The following ZKSCAN1 variants were observed in gnomAD, a reference collection of about 807,000 sequenced individuals.
ZKSCAN1 encodes the protein zinc finger with KRAB and SCAN domains 1.
ZKSCAN1 carries 14 observed loss-of-function variants against 51.6 expected under a neutral mutation model. That is an observed-to-expected ratio of 0.27 (90% CI 0.18 to 0.42). The LOEUF (loss-of-function observed/expected upper bound fraction) is 0.42, where lower values mean the gene tolerates loss of function less well. ZKSCAN1 is among the 10% of genes least tolerant of loss of function. The pLI is 1.00. For synonymous variants in ZKSCAN1, 263 were observed against 261.5 expected, an observed-to-expected ratio of 1.01 and a Z score of -0.06; for missense variants, 531 against 710.0, an observed-to-expected ratio of 0.75 and a Z score of 2.86.
At chr7:100,043,015 T>C (rs1218699973), downstream of ZKSCAN1, among the ~76,000 whole-genome samples, 1 of 152,050 alleles carries the variant, frequency 6.6e-6, no homozygotes, top group Admixed American at 6.6e-5. Context: ...TTAGCCAGGA[T>C]GGTCTCGATC....
Position 100,033,275 on chromosome 7 carries a change from G to A in ZKSCAN1, c.800-30G>A, listed in dbSNP as rs991106393. The A allele has an allele frequency of 1.9e-6, 3 of 1,565,440 alleles. No homozygotes were observed. Among genetic ancestry groups the A allele is most frequent in the Admixed American group, 2.1e-5 (1 of 48,602 alleles). On this transcript the variant is annotated intron_variant, in intron 5 of 5. Coordinates refer to ENST00000324306, the MANE Select transcript of ZKSCAN1 (RefSeq NM_003439.4). This position sits in a 1 kb window ranked among gnomAD's most constrained non-coding sequence, Gnocchi z 4.1. The stretch of plus-strand genomic sequence containing the variant: ...ACCTGTATATTCAAAAGAAAAAGGT[G>A]CGATTTGAATTTTCTATTTATTATG...
intron 1 of ZKSCAN1, 82 bp downstream of exon 1, chr7:100,015,808 C>T (rs966304473): frequency 6.6e-6 from 1 of 152,366 alleles, no homozygotes; most frequent in Non-Finnish European, 1.5e-5. Context: ...CAGCTGCGGC[C>T]CTGGGACCCC....
At position 100,037,624 on chromosome 7, in the gene ZKSCAN1, G is replaced by A; in HGVS notation, c.*3427G>A. On this transcript the variant is annotated 3_prime_UTR_variant, in exon 6 of 6. Transcript: ENST00000324306. ...TAAATAAACTTGATGAATATTATAT[G>A]TGAGGAAAACTTTCATGTATAGCAC... 1 of 985,424 alleles carries A rather than the reference G, an allele frequency of 1.0e-6. No individual in the cohort carries two copies. Among genetic ancestry groups the A allele is most frequent in the Non-Finnish European group, 1.2e-6 (1 of 829,936 alleles). The allele number at this position is 985,424 out of a possible 1,614,324, so 61.0% of individuals were successfully genotyped here. A position where few individuals can be genotyped will look rare whatever the true frequency, so the allele number is the denominator to read the frequency against.
At chr7:100,032,972 C>T (rs925704514) in intron 5 of ZKSCAN1, among the ~76,000 whole-genome samples, 2 of 149,986 alleles carry the variant, frequency 1.3e-5, no homozygotes, top group Non-Finnish European at 3.0e-5. Flanking sequence ...CACGCCATTG[C>T]ACTCCAGCCT....
chr7:100,019,645 A>G (rs1414948796), intron 1 of ZKSCAN1, among the ~76,000 whole-genome samples: 1 of 152,172 alleles, frequency 6.6e-6, no homozygotes, highest in Admixed American at 6.5e-5. Flanking sequence ...TTCTGCCTCT[A>G]CCATATACTT....
chr7:100,044,665 C>T (rs1014829096), downstream of ZKSCAN1: 2 of 532,380 alleles, frequency 3.8e-6, no homozygotes, highest in African/African-American at 2.6e-5. Flanking sequence ...TGGGTGATGG[C>T]GTGAGACTCT....
In ZKSCAN1 at chr7:100,040,176, C is replaced by G. The variant is rs1791533287; in HGVS notation, c.*5979C>G. On this transcript the variant is annotated 3_prime_UTR_variant, in exon 6 of 6. Coordinates refer to ENST00000324306, the MANE Select transcript of ZKSCAN1 (RefSeq NM_003439.4). Reference sequence around the variant, plus strand: ...AAGTTTGGGAAATACTTTTGACATCCCACAATACAGAATGTCTTAACATGA... The same window carrying G: ...AAGTTTGGGAAATACTTTTGACATCGCACAATACAGAATGTCTTAACATGA... 1.0e-6 allele frequency: 1 copy of G among 985,240 alleles called. No individual in the cohort carries two copies. Among genetic ancestry groups the G allele is most frequent in the Non-Finnish European group, 1.2e-6 (1 of 829,928 alleles). 61.0% of individuals were successfully genotyped at this position (985,240 alleles called of 1,614,324 possible). A position where few individuals can be genotyped will look rare whatever the true frequency, so the allele number is the denominator to read the frequency against.
chr7:100,032,030 G>C (rs1305256123), intron 5 of ZKSCAN1, among the ~76,000 whole-genome samples: 1 of 152,184 alleles, frequency 6.6e-6, no homozygotes, highest in African/African-American at 2.4e-5. Flanking sequence ...AGTGAGCTGT[G>C]CTCATGCCAC....
chr7:100,030,078 C>G, intron 4 of ZKSCAN1, 126 bp downstream of exon 4: 1 of 1,387,464 alleles, frequency 7.2e-7, no homozygotes, highest in South Asian at 1.3e-5. Flanking sequence ...CCTGTCCTCT[C>G]CTTTTAGCAT....
intron 1 of ZKSCAN1, among the ~76,000 whole-genome samples, chr7:100,018,979 A>G (rs963387801): frequency 6.6e-6 from 1 of 152,212 alleles, no homozygotes; most frequent in Non-Finnish European, 1.5e-5. Context: ...TGTCCTGCTC[A>G]ATAGCTAAGG....
chr7:100,042,338 A>AAAG (rs1554355805), downstream of ZKSCAN1, among the ~76,000 whole-genome samples: 282 of 139,124 alleles, frequency 2.0e-3, 11 homozygotes, highest in African/African-American at 5.4e-3. Context: ...AAAAAAAAAA[A>AAAG]GGTGAACTGG....
chr7:100,028,761 T>C (rs1790958868), intron 3 of ZKSCAN1, among the ~76,000 whole-genome samples: 1 of 148,694 alleles, frequency 6.7e-6, no homozygotes, highest in Non-Finnish European at 1.5e-5. Flanking sequence ...CCCCAACTTT[T>C]GTCTCAGCAT....
In ZKSCAN1 at chr7:100,036,809, T is replaced by G. The variant is rs1258639727; in HGVS notation, c.*2612T>G. On this transcript the variant is annotated 3_prime_UTR_variant, in exon 6 of 6. Transcript: ENST00000324306. ...TTATTTTTTAAGAGGGAAAGGACTTTGGTCATGTTTACATTGGCCTTTGGT... is the reference window on the plus strand; with the variant it reads ...TTATTTTTTAAGAGGGAAAGGACTTGGGTCATGTTTACATTGGCCTTTGGT... 4 of 980,098 alleles carry G rather than the reference T, an allele frequency of 4.1e-6. No homozygotes were observed. Among genetic ancestry groups the G allele is most frequent in the Middle Eastern group, 1.0e-3 (2 of 1,922 alleles). 60.7% of individuals were successfully genotyped at this position (980,098 alleles called of 1,614,324 possible). A position where few individuals can be genotyped will look rare whatever the true frequency, so the allele number is the denominator to read the frequency against.
In ZKSCAN1 at chr7:100,037,473, T is replaced by C. The variant is rs1791413087; in HGVS notation, c.*3276T>C. The C allele has an allele frequency of 6.1e-6, 6 of 985,358 alleles. No homozygotes were observed. The Admixed American group carries it at 3.7e-4, about 61-fold the overall frequency. The allele number at this position is 985,358 out of a possible 1,614,324, so 61.0% of individuals were successfully genotyped here. On this transcript the variant is annotated 3_prime_UTR_variant, in exon 6 of 6. Transcript: ENST00000324306. ...CTAAATATGTATAGAGAGGTTGACGTGTGATACGTGGGACAGTTCACATAG... is the reference window on the plus strand; with the variant it reads ...CTAAATATGTATAGAGAGGTTGACGCGTGATACGTGGGACAGTTCACATAG...
rs1791187061 is a variant in ZKSCAN1, at chr7:100,033,194, T to C, written c.800-111T>C. ...CTCAAAGGAAATAAAAATAAAAATA[T>C]TGCAAAGTCATTTTGCAGCCGTGTA... is the stretch of plus-strand genomic sequence containing the variant. On this transcript the variant is annotated intron_variant, in intron 5 of 5. Transcript: ENST00000324306. This position sits in a 1 kb window ranked among gnomAD's most constrained non-coding sequence, Gnocchi z 4.1. 1 of 1,441,222 alleles carries C rather than the reference T, an allele frequency of 6.9e-7. No individual in the cohort carries two copies. Among genetic ancestry groups the C allele is most frequent in the Non-Finnish European group, 9.1e-7 (1 of 1,098,624 alleles). 89.3% of individuals were successfully genotyped at this position (1,441,222 alleles called of 1,614,324 possible).
At chr7:100,019,318 T>A (rs1019506968) in intron 1 of ZKSCAN1, 1 of 152,244 alleles carries the variant, frequency 6.6e-6, no homozygotes, top group Non-Finnish European at 1.5e-5. Context: ...GTGATTCTCC[T>A]GCCTCAGCCT....
Position 100,033,141 on chromosome 7 carries a change from C to T in ZKSCAN1, c.800-164C>T, listed in dbSNP as rs967205835. Reference sequence around the variant, plus strand: ...GAACTGAGATCACGTCACTGCACTCCAGCCTGGGCGACAGAGCGAGACTCT... The same window carrying T: ...GAACTGAGATCACGTCACTGCACTCTAGCCTGGGCGACAGAGCGAGACTCT... On this transcript the variant is annotated intron_variant, in intron 5 of 5. Coordinates refer to ENST00000324306, the MANE Select transcript of ZKSCAN1 (RefSeq NM_003439.4). This position sits in a 1 kb window ranked among gnomAD's most constrained non-coding sequence, Gnocchi z 4.1. Among the ~76,000 whole-genome samples, 3 of 152,152 alleles carry T rather than the reference C, an allele frequency of 2.0e-5. No homozygotes were observed. Among genetic ancestry groups the T allele is most frequent in the Non-Finnish European group, 4.4e-5 (3 of 68,018 alleles).
At chr7:100,028,716 T>G (rs1361769040) in intron 3 of ZKSCAN1, among the ~76,000 whole-genome samples, 1 of 150,386 alleles carries the variant, frequency 6.6e-6, no homozygotes, top group Non-Finnish European at 1.5e-5. Flanking sequence ...TGTGATCACG[T>G]GATAATGTTA....
chr7:100,022,713 T>C (rs942825043), intron 1 of ZKSCAN1, among the ~76,000 whole-genome samples: 5 of 152,198 alleles, frequency 3.3e-5, no homozygotes, highest in Non-Finnish European at 7.3e-5. Flanking sequence ...CCCTCAGTTA[T>C]GTCATTTGTA....
Sources: allele counts gnomAD v4.1 joint callset (sites outside exome capture counted in the v4.1 genomes callset), GRCh38; gene constraint gnomAD v4.1.1; non-coding constraint Gnocchi (gnomAD v3.1); transcripts MANE v1.5; gene names NCBI Gene and HGNC (gene_info 2026-07-23, HGNC 2026-07-21).